IL7: variants seen among roughly 807,000 people sequenced by gnomAD.
IL7 encodes the protein interleukin-7.
Under a neutral mutation model 21.6 loss-of-function variants are expected in IL7, and 3 were observed. The ratio of observed to expected loss-of-function variants is 0.14; its 90% CI spans 0.06 to 0.36. The LOEUF (loss-of-function observed/expected upper bound fraction) is 0.36, where lower values mean the gene tolerates loss of function less well. Among genes scored for constraint, IL7 ranks in the 10% least tolerant of loss-of-function variants. The probability of loss-of-function intolerance (pLI) is 1.00; values close to 1 mark genes in which losing one functional copy is unlikely to be tolerated. For synonymous variants in IL7, 62 were observed against 68.1 expected (o/e 0.91, Z 0.44); for missense variants, 175 against 200.2 (o/e 0.87, Z 0.76).
chr8:78,678,746 C>A, intron 4 of IL7: 3 of 1,069,126 alleles, frequency 2.8e-6, no homozygotes, highest in Non-Finnish European at 2.7e-6. Flanking sequence ...ATTATATTAT[C>A]TGTTACAGTA....
At position 78,767,977 on chromosome 8, in the gene IL7, G is replaced by A. The variant is rs79270892; in HGVS notation, c.148-27895C>T. Among the ~76,000 whole-genome samples, 12 of 151,538 alleles carry A rather than the reference G, an allele frequency of 7.9e-5. No homozygotes were observed. The East Asian group carries it at 1.6e-3, about 20-fold the overall frequency. ...GATGTTCCCCTTCCTGTGTCCCTGT[G>A]TTCTCATTGTTCAATTCCCACCTAT... is the stretch of plus-strand genomic sequence containing the variant. On this transcript the variant is annotated intron_variant, in intron 2 of 5. Transcript: ENST00000263851.
chr8:78,725,432 T>C (rs536981250), intron 3 of IL7, among the ~76,000 whole-genome samples: 70 of 149,464 alleles, frequency 4.7e-4, no homozygotes, highest in South Asian at 1.4e-3. Context: ...GCATTGTTTC[T>C]GGCTGAACAG....
intron 3 of IL7, chr8:78,686,463 A>ATT: frequency 7.3e-7 from 1 of 1,364,610 alleles, no homozygotes; most frequent in South Asian, 1.8e-5. Context: ...TTATTTATTT[A>ATT]TAGCCAGAAC....
chr8:78,701,716 T>C lies in IL7; in HGVS notation n.215-15769A>G, dbSNP rs143318022. ...TTTAACGTGAAGGGATGTTGAATTT[T>C]ATTGAAAACCTTTTCGTCATCTATT... On this transcript the variant is annotated intron_variant and non_coding_transcript_variant, in intron 3 of 4. Coordinates refer to the IL7 transcript ENST00000523959. Among the ~76,000 whole-genome samples, 900 of 152,334 alleles carry C rather than the reference T, an allele frequency of 5.9e-3. 9 individuals carry two copies. Among genetic ancestry groups the C allele is most frequent in the African/African-American group, 0.02 (844 of 41,574 alleles).
At chr8:78,735,293 G>GTTTTTTTTTTTTTTTTTTTTGT (rs33976248) in intron 5 of IL7, among the ~76,000 whole-genome samples, 1 of 69,570 alleles carries the variant, frequency 1.4e-5, no homozygotes, top group African/African-American at 5.7e-5. Context: ...TTTTTTTTTT[G>GTTTTTTTTTTTTTTTTTTTTGT]TTTTTTTTTT....
chr8:78,687,984 T>A (rs1173489592), intron 3 of IL7, among the ~76,000 whole-genome samples: 1 of 145,308 alleles, frequency 6.9e-6, no homozygotes, highest in African/African-American at 2.5e-5. Context: ...ATATATAAAT[T>A]ATATATATAT....
At chr8:78,746,864 T>C (rs1811996036) in intron 2 of IL7, 1 of 351,822 alleles carries the variant, frequency 2.8e-6, no homozygotes, top group African/African-American at 2.2e-5. Flanking sequence ...AGGGCAAAGG[T>C]AATGAAATGA....
At chr8:78,678,886 A>G in intron 4 of IL7, 1 of 310,946 alleles carries the variant, frequency 3.2e-6, no homozygotes, top group East Asian at 5.4e-5. Context: ...TAAGCTTCTA[A>G]ACTTCAAAGA....
At chr8:78,759,065 C>A (rs561453304) in intron 2 of IL7, among the ~76,000 whole-genome samples, 1 of 150,446 alleles carries the variant, frequency 6.6e-6, no homozygotes, top group Non-Finnish European at 1.5e-5. Context: ...ATTCCCCCCC[C>A]CACCTTTTTT....
Position 78,686,659 on chromosome 8 carries a change from T to TA in IL7, n.215-713dup, listed in dbSNP as rs766002074. ...TGTTCATGTGGAAAGAAAATAATGA[T>TA]AGAGTTTTTATAAATTTTCACTTGT... On this transcript the variant is annotated intron_variant and non_coding_transcript_variant, in intron 3 of 4. Coordinates refer to the IL7 transcript ENST00000523959. 2.9e-6 allele frequency: 4 copies of TA among 1,401,336 alleles called. No homozygotes were observed. In the East Asian group the frequency reaches 7.8e-5, roughly 27 times the overall value. The allele number at this position is 1,401,336 out of a possible 1,614,324, so 86.8% of individuals were successfully genotyped here. A position where few individuals can be genotyped will look rare whatever the true frequency, so the allele number is the denominator to read the frequency against.
chr8:78,711,384 A>G (rs1020468958), intron 3 of IL7, among the ~76,000 whole-genome samples: 1 of 152,016 alleles, frequency 6.6e-6, no homozygotes, highest in South Asian at 2.1e-4. Flanking sequence ...GTGTGTGTAT[A>G]TATAGGCCCC....
intron 2 of IL7, among the ~76,000 whole-genome samples, chr8:78,788,500 G>C (rs940620620): frequency 3.3e-5 from 5 of 151,944 alleles, no homozygotes; most frequent in Non-Finnish European, 4.4e-5. Context: ...CAAAAATTGT[G>C]TTTTTAATTT....
chr8:78,802,104 T>C (rs1814083991), intron 1 of IL7, among the ~76,000 whole-genome samples: 2 of 152,328 alleles, frequency 1.3e-5, no homozygotes, highest in South Asian at 4.1e-4. Context: ...CAGTAGGGAA[T>C]TTGGTTAAAC....
At chr8:78,682,799 C>T (rs1376823717) in intron 4 of IL7, among the ~76,000 whole-genome samples, 3 of 152,220 alleles carry the variant, frequency 2.0e-5, no homozygotes, top group African/African-American at 7.2e-5. Flanking sequence ...CAAGTTTCTT[C>T]TGCCTGTGAG....
intron 3 of IL7, among the ~76,000 whole-genome samples, chr8:78,695,315 A>G (rs1044189673): frequency 1.3e-5 from 2 of 152,160 alleles, no homozygotes; most frequent in Non-Finnish European, 2.9e-5. Flanking sequence ...TGTTCTGCCT[A>G]AGTATTTGGA....
chr8:78,747,331 T>C (rs1218350654), intron 2 of IL7, among the ~76,000 whole-genome samples: 1 of 151,690 alleles, frequency 6.6e-6, no homozygotes, highest in Non-Finnish European at 1.5e-5. Context: ...ATTCCAGGCA[T>C]GCACCACCAA....
chr8:78,697,424 TA>T (rs1810460367), intron 3 of IL7: 2 of 1,600,168 alleles, frequency 1.2e-6, no homozygotes, highest in South Asian at 2.3e-5. Context: ...CACCCGCACT[TA>T]AAAAGTCAAA....
At chr8:78,752,285 C>T (rs1420368581) in intron 2 of IL7, among the ~76,000 whole-genome samples, 1 of 152,130 alleles carries the variant, frequency 6.6e-6, no homozygotes, top group Non-Finnish European at 1.5e-5. Flanking sequence ...CTTTGGATAA[C>T]TGCTTGGTAG....
At chr8:78,793,694 A>C (rs1586112497) in intron 2 of IL7, among the ~76,000 whole-genome samples, 1 of 152,082 alleles carries the variant, frequency 6.6e-6, no homozygotes, top group African/African-American at 2.4e-5. Flanking sequence ...GCAACAATGA[A>C]GTTTGCCACA....
Sources: allele counts gnomAD v4.1 joint callset (sites outside exome capture counted in the v4.1 genomes callset), GRCh38; gene constraint gnomAD v4.1.1; transcripts MANE v1.5; gene names NCBI Gene and HGNC (gene_info 2026-07-23, HGNC 2026-07-21).